The following USP32 variants were observed in gnomAD, a reference collection of about 807,000 sequenced individuals.
USP32 encodes the protein ubiquitin specific peptidase 32, also known as ubiquitin carboxyl-terminal hydrolase 32.
USP32 carries 59 observed loss-of-function variants against 204.8 expected under a neutral mutation model. That is an observed-to-expected ratio of 0.29 (90% CI 0.23 to 0.36). USP32 has a LOEUF of 0.36. Ranked by LOEUF, USP32 falls within the 10% of genes least tolerant of loss-of-function variation. USP32 has a pLI of 1.00. For missense variants in USP32, 1,160 were observed against 1,946.4 expected (o/e 0.60, Z 7.60); for synonymous variants, 517 against 678.4 (o/e 0.76, Z 3.70).
intron 5 of USP32, among the ~76,000 whole-genome samples, chr17:60,272,285 CT>C (rs1225742640): frequency 6.6e-6 from 1 of 152,184 alleles, no homozygotes; most frequent in Non-Finnish European, 1.5e-5. Context: ...AAAGTCAGCA[CT>C]GACAGAGAAG....
At chr17:60,190,706 C>G in intron 28 of USP32, 23 bp from the exon 29 acceptor site, 1 of 1,579,386 alleles carries the variant, frequency 6.3e-7, no homozygotes, top group Non-Finnish European at 8.5e-7. Context: ...AAAAGATCCA[C>G]AGAGGAAGAA....
At chr17:60,260,880 A>G (rs1286653023) in intron 9 of USP32, among the ~76,000 whole-genome samples, 2 of 152,188 alleles carry the variant, frequency 1.3e-5, no homozygotes, top group East Asian at 3.9e-4. Flanking sequence ...AATAACTAAA[A>G]TTTTAATTCT....
intron 11 of USP32, chr17:60,245,410 T>C (rs1222051569): frequency 2.5e-6 from 1 of 397,214 alleles, no homozygotes; most frequent in South Asian, 2.1e-5. Context: ...AGCACACTTG[T>C]TGCACGTCAG....
chr17:60,279,626 C>T (rs1266943743), intron 5 of USP32, among the ~76,000 whole-genome samples: 1 of 151,658 alleles, frequency 6.6e-6, no homozygotes, highest in East Asian at 1.9e-4. Flanking sequence ...CACTAGAGCC[C>T]AGGAGTTTGA....
intron 2 of USP32, among the ~76,000 whole-genome samples, chr17:60,338,324 C>CA (rs535885155): frequency 0.037 from 3,520 of 94,526 alleles, 35 homozygotes; most frequent in Non-Finnish European, 0.042. Flanking sequence ...GACTCTATCT[C>CA]AAAAAAAAAA....
At chr17:60,337,308 C>T (rs1051391202) in intron 2 of USP32, among the ~76,000 whole-genome samples, 5 of 152,132 alleles carry the variant, frequency 3.3e-5, no homozygotes, top group Non-Finnish European at 5.9e-5. Context: ...AAAAACACTC[C>T]GGAATCTAAT....
Position 60,177,596 on chromosome 17 carries a change from T to C in USP32, c.*1659A>G, listed in dbSNP as rs973723905. Among the ~76,000 whole-genome samples the C allele has an allele frequency of 1.3e-5, 2 of 152,220 alleles. No homozygotes were observed. Among genetic ancestry groups the C allele is most frequent in the African/African-American group, 4.8e-5 (2 of 41,454 alleles). ...TTATTTAAAATCTTCCACTTTTTAA[T>C]GGGAATGGACAGATTTTATATACTG... On this transcript the variant is annotated 3_prime_UTR_variant, in exon 34 of 34. Coordinates refer to ENST00000300896, the MANE Select transcript of USP32 (RefSeq NM_032582.4).
intron 2 of USP32, among the ~76,000 whole-genome samples, chr17:60,326,431 C>T (rs1246593394): frequency 7.2e-5 from 11 of 152,084 alleles, no homozygotes; most frequent in African/African-American, 2.7e-4. Context: ...CTGCCTCAGC[C>T]TCGCAAGTAG....
At chr17:60,413,188 T>C (rs1265203466) in intron 1 of USP32, among the ~76,000 whole-genome samples, 7 of 152,232 alleles carry the variant, frequency 4.6e-5, no homozygotes, top group African/African-American at 1.7e-4. Flanking sequence ...TCATGACTTA[T>C]GTGCAGAGAT....
intron 2 of USP32, among the ~76,000 whole-genome samples, chr17:60,326,360 G>A (rs1344545721): frequency 2.0e-5 from 3 of 151,238 alleles, no homozygotes; most frequent in African/African-American, 4.9e-5. Flanking sequence ...GCCCCGGCTC[G>A]AGTGGAATGG....
chr17:60,344,389 A>C (rs2088734631), intron 2 of USP32, among the ~76,000 whole-genome samples: 1 of 152,078 alleles, frequency 6.6e-6, no homozygotes, highest in Admixed American at 6.5e-5. Context: ...CGGCCTCCCA[A>C]AGTGCGGGGA....
intron 3 of USP32, chr17:60,301,310 C>T: frequency 4.9e-6 from 1 of 204,586 alleles, no homozygotes; most frequent in South Asian, 9.0e-5. Flanking sequence ...TTTATACTCC[C>T]ATCAGCAATG....
chr17:60,221,855 T>C (rs1377651879), intron 15 of USP32, among the ~76,000 whole-genome samples: 2 of 152,180 alleles, frequency 1.3e-5, no homozygotes, highest in East Asian at 1.9e-4. Context: ...TCATCAACAA[T>C]GTAAAAAGTG....
At chr17:60,200,861 T>A (rs2084659038) in intron 26 of USP32, among the ~76,000 whole-genome samples, 1 of 152,196 alleles carries the variant, frequency 6.6e-6, no homozygotes, top group South Asian at 2.1e-4. Flanking sequence ...TTTTTGTTTG[T>A]TTGTTTTTTG....
intron 3 of USP32, among the ~76,000 whole-genome samples, chr17:60,297,896 T>C (rs1172998169): frequency 6.6e-6 from 1 of 152,210 alleles, no homozygotes; most frequent in Non-Finnish European, 1.5e-5. Flanking sequence ...CCACAAGCCG[T>C]AACTACAGCT....
intron 1 of USP32, among the ~76,000 whole-genome samples, chr17:60,406,582 C>T (rs1868423589): frequency 6.6e-6 from 1 of 151,870 alleles, no homozygotes; most frequent in African/African-American, 2.4e-5. Context: ...ATGGCATGAC[C>T]TCGGCTCACT....
rs1567839308 is a variant in USP32 at position 60,301,587 on chromosome 17, A to G, written c.292+12T>C. ...ATAGACGAATTATTTTTGAGATAAT[A>G]AAAGTACTTACATTTTGCTTTCTCT... On this transcript the variant is annotated intron_variant, in intron 3 of 33. Coordinates refer to ENST00000300896, the MANE Select transcript of USP32 (RefSeq NM_032582.4). 1 of 1,508,528 alleles carries G rather than the reference A, an allele frequency of 6.6e-7. No individual in the cohort carries two copies. The highest frequency in any genetic ancestry group is 9.0e-7 in the Non-Finnish European group (1 of 1,111,920). The allele number at this position is 1,508,528 out of a possible 1,614,324, so 93.4% of individuals were successfully genotyped here.
intron 1 of USP32, among the ~76,000 whole-genome samples, chr17:60,366,111 G>A (rs1308460282): frequency 6.6e-6 from 1 of 151,884 alleles, no homozygotes; most frequent in East Asian, 1.9e-4. Flanking sequence ...TCCAGTAGCT[G>A]GGATTACAGG....
intron 16 of USP32, among the ~76,000 whole-genome samples, chr17:60,217,530 G>A (rs1287506228): frequency 6.6e-6 from 1 of 151,868 alleles, no homozygotes; most frequent in African/African-American, 2.4e-5. Flanking sequence ...CCTGACCTCT[G>A]GTGATTCAGC....
Sources: gnomAD v4.1 joint callset for allele counts (sites outside exome capture counted in the v4.1 genomes callset) on GRCh38, gnomAD v4.1.1 for gene constraint, MANE v1.5 for transcripts, NCBI Gene and HGNC (gene_info 2026-07-23, HGNC 2026-07-21) for gene names.